Variants in PDE3B observed in about 807,000 individuals in gnomAD.
PDE3B encodes cGMP-inhibited 3',5'-cyclic phosphodiesterase 3B.
PDE3B carries 66 observed loss-of-function variants against 116.8 expected under a neutral mutation model. That is an observed-to-expected ratio of 0.56 (90% confidence interval 0.46 to 0.69). The LOEUF is 0.69. PDE3B is among the 30% of genes least tolerant of loss of function. The pLI, the probability that PDE3B is intolerant of heterozygous loss-of-function variation, is 0.00. For missense variants in PDE3B, 1,384 were observed against 1,368.1 expected (o/e 1.01, Z -0.18); for synonymous variants, 595 against 533.6 (o/e 1.12, Z -1.59).
chr11:14,849,091 A>G (rs1245668202), intron 12 of PDE3B, among the ~76,000 whole-genome samples: 3 of 152,076 alleles, frequency 2.0e-5, no homozygotes, highest in African/African-American at 4.8e-5. Context: ...AAACTATACT[A>G]CAAGGCTACA....
At chr11:14,802,864 T>G (rs1028186885) in intron 4 of PDE3B, among the ~76,000 whole-genome samples, 2 of 152,238 alleles carry the variant, frequency 1.3e-5, no homozygotes, top group African/African-American at 2.4e-5. Flanking sequence ...CAAAGATATT[T>G]AGCAGAATAA....
rs1292630976 is a variant in PDE3B, at chr11:14,843,836, G to T, written c.2330G>T (p.Gly777Val). 6.2e-7 allele frequency: 1 copy of T among 1,612,894 alleles called. No homozygotes were observed. Among genetic ancestry groups the T allele is most frequent in the Non-Finnish European group, 8.5e-7 (1 of 1,179,040 alleles). The stretch of plus-strand genomic sequence containing the variant: ...ATTTATTGTTTCTCAGATTCTGATG[G>T]TAGAATTAACCATGGGCGAATTGCT... ...CGTGNETDSD[G>V]RINHGRIAYI... The change falls in exon 12 of 16, where the codon GGT becomes GTT. Residue 777 changes from glycine (G) to valine (V), a missense_variant. By Grantham distance (109) the Gly-to-Val change is moderately radical. Transcript: ENST00000282096.
intron 11 of PDE3B, among the ~76,000 whole-genome samples, chr11:14,842,187 C>T (rs1031978328): frequency 7.9e-5 from 12 of 151,972 alleles, no homozygotes; most frequent in Admixed American, 6.6e-5. Context: ...TTTACTGAGG[C>T]GTCCTTTTAA....
chr11:14,700,233 G>T (rs1855324021), intron 1 of PDE3B, among the ~76,000 whole-genome samples: 1 of 151,510 alleles, frequency 6.6e-6, no homozygotes. Flanking sequence ...TTTCATTTTG[G>T]TTTTTATATA....
the PDE3B span, among the ~76,000 whole-genome samples, chr11:14,884,412 C>G: frequency 6.6e-6 from 1 of 151,598 alleles, no homozygotes; most frequent in Admixed American, 6.6e-5. Flanking sequence ...AATCATCATT[C>G]TCAGTAAACT....
intron 1 of PDE3B, among the ~76,000 whole-genome samples, chr11:14,717,988 G>C (rs1172698865): frequency 2.0e-5 from 3 of 148,652 alleles, no homozygotes; most frequent in African/African-American, 7.4e-5. Context: ...GTTGGATAAA[G>C]AGTCAAGACC....
Position 14,867,555 on chromosome 11 carries a change from G to A in PDE3B, c.2936G>A (p.Arg979His), listed in dbSNP as rs782472054. The A allele has an allele frequency of 1.1e-5, 17 of 1,613,734 alleles. No homozygotes were observed. Among genetic ancestry groups the A allele is most frequent in the Admixed American group, 6.7e-5 (4 of 59,972 alleles). The change falls in exon 15 of 16, where the codon CGT becomes CAT. Residue 979 changes from arginine to histidine, a missense_variant. By Grantham distance (29) the Arg-to-His change is conservative (BLOSUM62 0). Transcript: ENST00000282096. ...CTGCCCATCAGTCCATTCATGGATC[G>A]TTCTTCTCCTCAACTAGCAAAACTC... ...LGLPISPFMD[R>H]SSPQLAKLQE...
intron 1 of PDE3B, among the ~76,000 whole-genome samples, chr11:14,664,323 C>T (rs1475235089): frequency 2.0e-5 from 3 of 151,742 alleles, no homozygotes; most frequent in Non-Finnish European, 4.4e-5. Context: ...AGGAAAGATC[C>T]AAAATTGACA....
chr11:14,769,584 T>G (rs1055245061), intron 1 of PDE3B, among the ~76,000 whole-genome samples: 2 of 147,718 alleles, frequency 1.4e-5, no homozygotes, highest in African/African-American at 4.9e-5. Context: ...TGATTACAAC[T>G]CCGAATCCAG....
chr11:14,649,736 C>T (rs556158482), intron 1 of PDE3B, among the ~76,000 whole-genome samples: 38 of 152,092 alleles, frequency 2.5e-4, no homozygotes, highest in Non-Finnish European at 4.4e-4. Flanking sequence ...TGCAGCTGGT[C>T]GCAAACTCAT....
At chr11:14,733,030 A>G (rs1281791950) in intron 1 of PDE3B, among the ~76,000 whole-genome samples, 1 of 152,244 alleles carries the variant, frequency 6.6e-6, no homozygotes, top group Non-Finnish European at 1.5e-5. Flanking sequence ...AACGTATATG[A>G]AAAATTTATT....
At chr11:14,717,317 G>A (rs1855933704) in intron 1 of PDE3B, among the ~76,000 whole-genome samples, 1 of 123,950 alleles carries the variant, frequency 8.1e-6, no homozygotes, top group South Asian at 3.1e-4. Context: ...AAGTGAGGGG[G>A]AGAATGGAAC....
chr11:14,698,892 A>G (rs1176105937), intron 1 of PDE3B: 1 of 152,018 alleles, frequency 6.6e-6, no homozygotes, highest in African/African-American at 2.4e-5. Flanking sequence ...CCTTTGCTAT[A>G]CAGTATACAT....
At chr11:14,679,308 T>C (rs1257169680) in intron 1 of PDE3B, among the ~76,000 whole-genome samples, 1 of 152,178 alleles carries the variant, frequency 6.6e-6, no homozygotes, top group South Asian at 2.1e-4. Context: ...TTGGGTAGAA[T>C]TGACATTTTT....
chr11:14,834,945 T>G, intron 10 of PDE3B, 37 bp from the exon 11 acceptor site: 1 of 1,124,148 alleles, frequency 8.9e-7, no homozygotes, highest in South Asian at 1.3e-5. Context: ...AAATGTTGTG[T>G]GTTAAACCTA....
At chr11:14,734,211 A>G (rs1482705692) in intron 1 of PDE3B, among the ~76,000 whole-genome samples, 1 of 152,126 alleles carries the variant, frequency 6.6e-6, no homozygotes. Context: ...AGCTGTTACT[A>G]CAGGCATATG....
the PDE3B span, among the ~76,000 whole-genome samples, chr11:14,889,617 G>A: frequency 6.6e-6 from 1 of 152,068 alleles, no homozygotes; most frequent in Non-Finnish European, 1.5e-5. Flanking sequence ...AAAGAACCAT[G>A]GTTCCCTCAA....
At chr11:14,718,324 A>G (rs1194190285) in intron 1 of PDE3B, among the ~76,000 whole-genome samples, 3 of 114,280 alleles carry the variant, frequency 2.6e-5, no homozygotes, top group Non-Finnish European at 5.4e-5. Context: ...TAATAATGGG[A>G]GACTTTAACA....
chr11:14,844,855 A>C (rs1450039884), intron 12 of PDE3B, among the ~76,000 whole-genome samples: 4 of 152,236 alleles, frequency 2.6e-5, no homozygotes, highest in Admixed American at 1.3e-4. Context: ...GGGTGGAGCC[A>C]ACCACAGCCC....
Sources: gnomAD v4.1 joint callset for allele counts (sites outside exome capture counted in the v4.1 genomes callset) on GRCh38, gnomAD v4.1.1 for gene constraint, MANE v1.5 for transcripts, NCBI Gene and HGNC (gene_info 2026-07-23, HGNC 2026-07-21) for gene names.